KRT72: variants seen among roughly 807,000 people sequenced by gnomAD.
KRT72 encodes keratin, type II cytoskeletal 72.
In KRT72, 44 loss-of-function variants were observed where a neutral mutation model predicts 44.7. That is an observed-to-expected ratio of 0.98 (90% confidence interval 0.77 to 1.27). The LOEUF (loss-of-function observed/expected upper bound fraction) is 1.27, where lower values mean the gene tolerates loss of function less well. KRT72 is among the 50% of genes most tolerant of loss of function. The probability of loss-of-function intolerance (pLI) is 0.00; values close to 1 mark genes in which losing one functional copy is unlikely to be tolerated. For missense variants in KRT72, 736 were observed against 667.1 expected, an observed-to-expected ratio of 1.10 and a Z score of -1.14; for synonymous variants, 302 against 280.4, an observed-to-expected ratio of 1.08 and a Z score of -0.77.
chr12:52,590,782 G>C (rs1381557219), intron 6 of KRT72, 54 bp downstream of exon 6: 24 of 1,506,484 alleles, frequency 1.6e-5, no homozygotes, highest in Non-Finnish European at 2.2e-5. Context: ...ATTCTGTCTG[G>C]CCCAGATTGT....
Position 52,590,966 on chromosome 12 carries a change from G to A in KRT72, c.964-5C>T. 6.3e-7 allele frequency: 1 copy of A among 1,585,002 alleles called. No individual in the cohort carries two copies. Among genetic ancestry groups the A allele is most frequent in the Non-Finnish European group, 8.6e-7 (1 of 1,160,094 alleles). On this transcript the variant is annotated splice_region_variant and splice_polypyrimidine_tract_variant and intron_variant, in intron 5 of 8. Transcript: ENST00000293745. ...TGTGACCTGCAGCTCCTGGATCTGAGGTTGGGTGACAAGAGAAGAGGAACA... is the reference window on the plus strand; with the variant it reads ...TGTGACCTGCAGCTCCTGGATCTGAAGTTGGGTGACAAGAGAAGAGGAACA...
At chr12:52,602,546 A>G (rs941295255), upstream of KRT72, among the ~76,000 whole-genome samples, 2 of 152,168 alleles carry the variant, frequency 1.3e-5, no homozygotes, top group African/African-American at 4.8e-5. Context: ...TTCCTCTGGC[A>G]TGCAGGTGGG....
chr12:52,587,691 T>A lies in KRT72; in HGVS notation c.1250A>T (p.Lys417Met). The change falls in exon 7 of 9, where the codon AAG becomes ATG. Residue 417 changes from lysine (K) to methionine (M), a missense_variant. Lys to Met is a moderately conservative substitution (Grantham distance 95). Transcript: ENST00000293745. ...LREYQELVSL[K>M]LALDMEIATY... is the part of the protein sequence containing the mutation. ...GGCGATCTCCATATCCAGGGCCAGCTTCAGGCTCACGAGCTCCTGGTACTC... is the reference window on the plus strand; with the variant it reads ...GGCGATCTCCATATCCAGGGCCAGCATCAGGCTCACGAGCTCCTGGTACTC... The A allele has an allele frequency of 6.2e-7, 1 of 1,614,182 alleles. No individual in the cohort carries two copies. Among genetic ancestry groups the A allele is most frequent in the Non-Finnish European group, 8.5e-7 (1 of 1,180,040 alleles).
chr12:52,589,734 C>A (rs181253573), intron 6 of KRT72, among the ~76,000 whole-genome samples: 1 of 152,206 alleles, frequency 6.6e-6, no homozygotes, highest in Non-Finnish European at 1.5e-5. Flanking sequence ...CTCAGCATTG[C>A]GAGGGATCCC....
Position 52,591,270 on chromosome 12 carries a change from C to A in KRT72, c.963+194G>T, listed in dbSNP as rs552756155. ...GCCCCATATATGTCCGCAAAACAAGCCAAGACTGTAGTTAATCTCCCTTAC... is the reference window on the plus strand; with the variant it reads ...GCCCCATATATGTCCGCAAAACAAGACAAGACTGTAGTTAATCTCCCTTAC... On this transcript the variant is annotated intron_variant, in intron 5 of 8. Transcript: ENST00000293745. Among the ~76,000 whole-genome samples the A allele has an allele frequency of 2.0e-5, 3 of 152,176 alleles. No homozygotes were observed. In the South Asian group the frequency reaches 6.2e-4, roughly 32 times the overall value.
intron 1 of KRT72, chr12:52,599,447 G>A: frequency 2.1e-6 from 1 of 473,238 alleles, no homozygotes. Flanking sequence ...GAGAAACAGG[G>A]ACTGGGGAGT....
At chr12:52,591,817 C>T (rs1940044373) in intron 4 of KRT72, among the ~76,000 whole-genome samples, 189 bp from the exon 5 acceptor site, 1 of 152,120 alleles carries the variant, frequency 6.6e-6, no homozygotes, top group Admixed American at 6.5e-5. Flanking sequence ...GCTGAGACTC[C>T]TCTCTCCATT....
rs561878743 is a variant in KRT72 at position 52,586,298 on chromosome 12, C to T, written c.1346-126G>A. Reference sequence around the variant, plus strand: ...GTGGCTTCCTGCTGAGATGGATTCTCTCTGTTGTGTGTTTCAGTCTACTAA... The same window carrying T: ...GTGGCTTCCTGCTGAGATGGATTCTTTCTGTTGTGTGTTTCAGTCTACTAA... On this transcript the variant is annotated intron_variant, in intron 8 of 8. Transcript: ENST00000293745. 6.2e-5 allele frequency: 42 copies of T among 675,240 alleles called. No individual in the cohort carries two copies. In the African/African-American group the frequency reaches 6.5e-4, roughly 10 times the overall value. 41.8% of individuals were successfully genotyped at this position (675,240 alleles called of 1,614,324 possible).
chr12:52,591,888 C>T (rs1358748955), intron 4 of KRT72, among the ~76,000 whole-genome samples: 1 of 152,186 alleles, frequency 6.6e-6, no homozygotes, highest in African/African-American at 2.4e-5. Context: ...CAGCCACCGC[C>T]ACCCTCCACC....
intron 7 of KRT72, among the ~76,000 whole-genome samples, chr12:52,587,293 T>C (rs1343358249): frequency 2.0e-5 from 3 of 152,184 alleles, no homozygotes; most frequent in African/African-American, 7.2e-5. Flanking sequence ...TACCTCCCCA[T>C]TGGAGCCCCA....
intron 4 of KRT72, among the ~76,000 whole-genome samples, chr12:52,591,956 G>C (rs1313532599): frequency 6.6e-6 from 1 of 152,168 alleles, no homozygotes; most frequent in Non-Finnish European, 1.5e-5. Context: ...GGAGTCACTA[G>C]CACCAGTCCC....
intron 2 of KRT72, among the ~76,000 whole-genome samples, chr12:52,597,621 A>G (rs927625927): frequency 1.3e-5 from 2 of 152,170 alleles, no homozygotes; most frequent in African/African-American, 4.8e-5. Context: ...ATGAGGCAAA[A>G]GACATGAAAA....
At chr12:52,592,590 C>T (rs1940084206) in intron 3 of KRT72, 99 bp from the exon 4 acceptor site, 2 of 892,824 alleles carry the variant, frequency 2.2e-6, no homozygotes, top group South Asian at 1.6e-5. Flanking sequence ...TCCCTTCACC[C>T]TGTGCTTCAT....
At chr12:52,586,266 G>A (rs556054231) in intron 8 of KRT72, 94 bp from the exon 9 acceptor site, 12 of 964,722 alleles carry the variant, frequency 1.2e-5, no homozygotes, top group South Asian at 5.0e-5. Flanking sequence ...CTTTACTCTC[G>A]CCCGCAGTGG....
At chr12:52,600,539 C>T (rs376843921) in intron 1 of KRT72, among the ~76,000 whole-genome samples, 1 of 152,100 alleles carries the variant, frequency 6.6e-6, no homozygotes, top group Admixed American at 6.5e-5. Flanking sequence ...ATCATAGGGG[C>T]CGGTCTTTCT....
At chr12:52,601,700 C>G (rs1381035080), upstream of KRT72, 2 of 527,878 alleles carry the variant, frequency 3.8e-6, no homozygotes, top group Non-Finnish European at 6.6e-6. Flanking sequence ...TGACCCAGAA[C>G]CCAGCATTTA....
chr12:52,596,453 C>A (rs952892539), intron 2 of KRT72, among the ~76,000 whole-genome samples: 1 of 151,828 alleles, frequency 6.6e-6, no homozygotes, highest in Non-Finnish European at 1.5e-5. Context: ...ACTTATTTAA[C>A]AAAATTAGCA....
intron 7 of KRT72, among the ~76,000 whole-genome samples, chr12:52,587,392 G>A (rs928611419): frequency 6.6e-6 from 1 of 152,124 alleles, no homozygotes; most frequent in Non-Finnish European, 1.5e-5. Flanking sequence ...ATGAACGGTC[G>A]GGGATGCTGT....
At chr12:52,588,729 G>A (rs57036928) in intron 6 of KRT72, among the ~76,000 whole-genome samples, 2,106 of 152,274 alleles carry the variant, frequency 0.014, 36 homozygotes, top group African/African-American at 0.048. Context: ...GGGCACAGTG[G>A]CTCATGCCTG....
Sources: gnomAD v4.1 joint callset for allele counts (sites outside exome capture counted in the v4.1 genomes callset) on GRCh38, gnomAD v4.1.1 for gene constraint, MANE v1.5 for transcripts, NCBI Gene and HGNC (gene_info 2026-07-23, HGNC 2026-07-21) for gene names.